The following HIPK3 variants were observed in gnomAD, a reference collection of about 807,000 sequenced individuals.
The protein encoded by HIPK3 is homeodomain interacting protein kinase 3.
A neutral mutation model predicts 124.2 loss-of-function variants in HIPK3; 47 were observed. The observed-to-expected ratio is 0.38, with a 90% confidence interval of 0.30 to 0.48. The LOEUF is 0.48. HIPK3 is among the 20% of genes least tolerant of loss of function. The pLI, the probability that HIPK3 is intolerant of heterozygous loss-of-function variation, is 0.98. For missense variants in HIPK3, 1,286 were observed against 1,454.3 expected, an observed-to-expected ratio of 0.88 and a Z score of 1.88; for synonymous variants, 482 against 515.2, an observed-to-expected ratio of 0.94 and a Z score of 0.87.
At chr11:33,343,126 G>A (rs79195349) in intron 8 of HIPK3, among the ~76,000 whole-genome samples, 1,964 of 152,208 alleles carry the variant, frequency 0.013, 23 homozygotes, top group Middle Eastern at 0.031. Flanking sequence ...CCTGTTTGCT[G>A]TATCATTGTA....
intron 16 of HIPK3, among the ~76,000 whole-genome samples, chr11:33,352,495 A>G (rs1317139820): frequency 2.0e-5 from 3 of 152,212 alleles, no homozygotes; most frequent in African/African-American, 7.2e-5. Flanking sequence ...CTCTTACATA[A>G]TATTAACAGA....
At chr11:33,289,430 G>A (rs1293303970) in intron 2 of HIPK3, among the ~76,000 whole-genome samples, 1 of 151,948 alleles carries the variant, frequency 6.6e-6, no homozygotes, top group African/African-American at 2.4e-5. Context: ...GAGTGACCGA[G>A]TGAGACCCTC....
At chr11:33,330,351 T>C (rs1852938099) in intron 3 of HIPK3, among the ~76,000 whole-genome samples, 3 of 152,214 alleles carry the variant, frequency 2.0e-5, no homozygotes, top group Admixed American at 2.0e-4. Flanking sequence ...TCTTTTGAGA[T>C]GAAGTCTTGC....
chr11:33,353,241 T>C lies in HIPK3; in HGVS notation c.3321T>C (p.Ala1107=). The change falls in exon 17 of 17, where the codon GCT becomes GCC. Residue 1107 remains alanine, a synonymous_variant. Transcript: ENST00000303296. ...ACACAGCAGTGCATGCCCACCTGGC[T>C]GGAAATACACACCTCGGAGGACAGC... The part of the protein sequence containing the change: ...PNHTAVHAHL[A]GNTHLGGQPT... 1 of 1,614,164 alleles carries C rather than the reference T, an allele frequency of 6.2e-7. No homozygotes were observed. The highest frequency in any genetic ancestry group is 1.1e-5 in the South Asian group (1 of 91,084).
At chr11:33,298,099 T>A (rs1260287993) in intron 2 of HIPK3, among the ~76,000 whole-genome samples, 1 of 152,152 alleles carries the variant, frequency 6.6e-6, no homozygotes, top group Non-Finnish European at 1.5e-5. Flanking sequence ...CAGAACAGGC[T>A]AGCTTTGTTG....
rs752053005 is a variant in HIPK3, at chr11:33,351,644, G to A, written c.2844G>A (p.Thr948=). ...AAGAGCAAGAAAGTAGTTGTGATAC[G>A]GTGGATGGCTCTCCGACATCTGACT... The part of the protein sequence containing the change: ...SDEEQESSCD[T]VDGSPTSDSS... Residue 948 remains threonine, a synonymous_variant, in exon 15 of 17, where the codon ACG becomes ACA. Transcript: ENST00000303296. 7.4e-6 allele frequency: 12 copies of A among 1,614,000 alleles called. No individual in the cohort carries two copies. The highest frequency in any genetic ancestry group is 1.6e-4 in the Middle Eastern group (1 of 6,082).
rs749355350 is a variant in HIPK3, at chr11:33,347,898, C to T, written c.2191C>T (p.Pro731Ser). ...SNHYNSVMPQ[P>S]LLTNQITLSA... Reference sequence around the variant, plus strand: ...TCATTATAACTCAGTGATGCCGCAGCCTCTTCTGACCAATCAGATAACTTT... The same window carrying T: ...TCATTATAACTCAGTGATGCCGCAGTCTCTTCTGACCAATCAGATAACTTT... The change falls in exon 11 of 17, where the codon CCT becomes TCT. Residue 731 changes from proline (P) to serine (S), a missense_variant. By Grantham distance (74) the Pro-to-Ser change is moderately conservative (BLOSUM62 -1). Coordinates refer to ENST00000303296, the MANE Select transcript of HIPK3 (RefSeq NM_005734.5). 1 of 1,614,188 alleles carries T rather than the reference C, an allele frequency of 6.2e-7. No homozygotes were observed. Among genetic ancestry groups the T allele is most frequent in the Admixed American group, 1.7e-5 (1 of 60,020 alleles).
chr11:33,259,811 A>G (rs1415507441), intron 1 of HIPK3, among the ~76,000 whole-genome samples: 1 of 108,074 alleles, frequency 9.3e-6, no homozygotes, highest in Non-Finnish European at 1.7e-5. Context: ...CCCCCGCCCC[A>G]AGGGGATCTC....
chr11:33,266,535 G>A (rs894314673), intron 1 of HIPK3, among the ~76,000 whole-genome samples: 1 of 152,000 alleles, frequency 6.6e-6, no homozygotes, highest in African/African-American at 2.4e-5. Flanking sequence ...TTTTCCTACC[G>A]AAAAACAAAG....
At chr11:33,321,376 G>A (rs780200658) in intron 2 of HIPK3, among the ~76,000 whole-genome samples, 4 of 152,140 alleles carry the variant, frequency 2.6e-5, no homozygotes, top group Admixed American at 1.3e-4. Flanking sequence ...CAGAAAAAGG[G>A]GTGATGGCTG....
chr11:33,306,619 T>G (rs1184366784), intron 2 of HIPK3, among the ~76,000 whole-genome samples: 1 of 152,242 alleles, frequency 6.6e-6, no homozygotes, highest in Non-Finnish European at 1.5e-5. Context: ...GCAAGTTGTT[T>G]GACCTTTCTT....
chr11:33,338,620 TA>T (rs1853233419), intron 4 of HIPK3, 136 bp from the exon 5 acceptor site: 4 of 496,672 alleles, frequency 8.1e-6, no homozygotes, highest in Admixed American at 7.5e-5. Context: ...GCGTATACTT[TA>T]AAAAATACAT....
At position 33,353,505 on chromosome 11, in the gene HIPK3, A is replaced by T; in HGVS notation, c.3585A>T (p.Ala1195=). The change falls in exon 17 of 17, where the codon GCA becomes GCT. Residue 1195 remains alanine, a synonymous_variant. Transcript: ENST00000303296. ...PIFPPHSYIA[A]SPAYTGFPLS... The stretch of plus-strand genomic sequence containing the variant: ...TCCCACCACATTCTTACATTGCAGC[A>T]TCACCTGCATATACTGGATTTCCAC... The T allele has an allele frequency of 6.2e-7, 1 of 1,614,070 alleles. No homozygotes were observed. The highest frequency in any genetic ancestry group is 8.5e-7 in the Non-Finnish European group (1 of 1,179,910).
intron 1 of HIPK3, among the ~76,000 whole-genome samples, chr11:33,269,757 A>ATT (rs34433604): frequency 6.6e-5 from 10 of 151,496 alleles, no homozygotes; most frequent in East Asian, 5.8e-4. Context: ...GCTCCCCTGT[A>ATT]TTTTTTTTAT....
Position 33,328,558 on chromosome 11 carries a change from G to A in HIPK3, c.1146G>A (p.Met382Ile), listed in dbSNP as rs1565088016. ...LGLPFCEAIDMWSLGCVIAEL... is the reference protein window; with the variant it reads ...LGLPFCEAIDIWSLGCVIAEL... ...TGCCATTTTGTGAAGCCATAGACAT[G>A]TGGTCATTGGGATGTGTGATTGCAG... Residue 382 changes from methionine (M) to isoleucine (I), a missense_variant, in exon 3 of 17, where the codon ATG (methionine) becomes ATA (isoleucine). Physicochemically the swap from Met to Ile is conservative, Grantham distance 10. This residue lies in a region of HIPK3 where 251 missense variants were observed against 349.1 expected (regional missense o/e 0.72). Transcript: ENST00000303296. 3 of 1,613,110 alleles carry A rather than the reference G, an allele frequency of 1.9e-6. No homozygotes were observed. The highest frequency in any genetic ancestry group is 2.5e-6 in the Non-Finnish European group (3 of 1,179,252).
intron 2 of HIPK3, among the ~76,000 whole-genome samples, chr11:33,297,512 G>C (rs950268410): frequency 2.6e-5 from 4 of 152,282 alleles, no homozygotes; most frequent in African/African-American, 9.6e-5. Context: ...GCAGAAAGGT[G>C]AGGAAGCTGC....
Position 33,286,609 on chromosome 11 carries a change from G to T in HIPK3, c.195G>T (p.Lys65Asn). 6.2e-7 allele frequency: 1 copy of T among 1,614,114 alleles called. No individual in the cohort carries two copies. The highest frequency in any genetic ancestry group is 8.5e-7 in the Non-Finnish European group (1 of 1,180,010). The change falls in exon 2 of 17, where the codon AAG becomes AAT. Residue 65 changes from lysine to asparagine, a missense_variant. Coordinates refer to ENST00000303296, the MANE Select transcript of HIPK3 (RefSeq NM_005734.5). ...PPTKGSAFQT[K>N]IPFNRPRGHN... is the part of the protein sequence containing the mutation. ...CTAAGGGTAGTGCTTTTCAGACAAA[G>T]ATACCATTTAATAGACCTCGAGGAC...
chr11:33,266,144 C>T (rs1030446392), intron 1 of HIPK3, among the ~76,000 whole-genome samples: 1 of 150,050 alleles, frequency 6.7e-6, no homozygotes, highest in Non-Finnish European at 1.5e-5. Flanking sequence ...GTGCAGTGAA[C>T]GAAGAGACTA....
Position 33,341,683 on chromosome 11 carries a change from C to A in HIPK3, c.1894C>A (p.Gln632Lys), listed in dbSNP as rs1476621427. The A allele has an allele frequency of 6.2e-7, 1 of 1,606,498 alleles. No homozygotes were observed. The highest frequency in any genetic ancestry group is 1.1e-5 in the South Asian group (1 of 88,854). ...QTLIICPPAI[Q>K]GIPATHGKPT... ...ATTGATTATCTGTCCCCCAGCTATT[C>A]AAGGTATTATTTTATTTAAATTTTG... The change falls in exon 8 of 17, where the codon CAA (glutamine) becomes AAA (lysine). Residue 632 changes from glutamine to lysine, a missense_variant. This residue lies in a region of HIPK3 where 810 missense variants were observed against 864.9 expected (regional missense o/e 0.94). Coordinates refer to ENST00000303296, the MANE Select transcript of HIPK3 (RefSeq NM_005734.5).
Sources: allele counts gnomAD v4.1 joint callset (sites outside exome capture counted in the v4.1 genomes callset), GRCh38; gene constraint gnomAD v4.1.1; regional missense constraint gnomAD v4.1.1; transcripts MANE v1.5; gene names NCBI Gene and HGNC (gene_info 2026-07-23, HGNC 2026-07-21).